Variants in WFDC11 observed in about 807,000 individuals in gnomAD.
The protein encoded by WFDC11 is protein WFDC11.
In WFDC11, 9 loss-of-function variants were observed where a neutral mutation model predicts 9.9. The observed-to-expected ratio is 0.91, with a 90% CI of 0.55 to 1.58. The LOEUF is 1.58. WFDC11 is among the 40% of genes most tolerant of loss of function. WFDC11 has a pLI of 0.00. For missense variants in WFDC11, 106 were observed against 101.7 expected (o/e 1.04, Z -0.18); for synonymous variants, 32 against 33.3 (o/e 0.96, Z 0.13).
At chr20:45,650,374 A>G in intron 3 of WFDC11, 127 bp downstream of exon 3, 1 of 685,206 alleles carries the variant, frequency 1.5e-6, no homozygotes. Flanking sequence ...CAAAATTGTC[A>G]TTCTCTGATG....
At chr20:45,658,909 C>CA (rs57404359) in intron 2 of WFDC11, among the ~76,000 whole-genome samples, 28,683 of 151,768 alleles carry the variant, frequency 0.19, 2,937 homozygotes, top group East Asian at 0.29. Context: ...TGATGCCCAC[C>CA]CCCCCGTCCA....
At chr20:45,648,766 A>G (rs768719514) in intron 4 of WFDC11, 27 bp from the exon 5 acceptor site, 5 of 1,613,288 alleles carry the variant, frequency 3.1e-6, no homozygotes, top group Middle Eastern at 1.7e-4. Context: ...TTAGATTTTT[A>G]GAGGCTAGAG....
intron 1 of WFDC11, among the ~76,000 whole-genome samples, chr20:45,667,887 T>G (rs1446694709): frequency 1.3e-5 from 2 of 152,242 alleles, no homozygotes; most frequent in African/African-American, 2.4e-5. Flanking sequence ...CTTATTGAAG[T>G]GTTCAGAATC....
rs561352407 is a variant in WFDC11 at position 45,654,043 on chromosome 20, A to T, written c.-51-3392T>A. Among the ~76,000 whole-genome samples, 4 of 152,304 alleles carry T rather than the reference A, an allele frequency of 2.6e-5. No individual in the cohort carries two copies. In the East Asian group the frequency reaches 5.8e-4, roughly 22 times the overall value. ...CCAACAAGACAGAAAGTTAACAAGG[A>T]TTTCCAGGAATTGAACTCAGCTCTG... is the stretch of plus-strand genomic sequence containing the variant. On this transcript the variant is annotated intron_variant, in intron 2 of 4. Coordinates refer to ENST00000324384, the MANE Select transcript of WFDC11 (RefSeq NM_147197.2).
intron 2 of WFDC11, among the ~76,000 whole-genome samples, chr20:45,660,163 T>C (rs540855774): frequency 6.6e-6 from 1 of 152,326 alleles, no homozygotes; most frequent in Admixed American, 6.5e-5. Context: ...GGGTATGAAC[T>C]TTCCTGTTAG....
chr20:45,653,947 T>A (rs1982865198), intron 2 of WFDC11, among the ~76,000 whole-genome samples: 2 of 152,152 alleles, frequency 1.3e-5, no homozygotes, highest in South Asian at 4.1e-4. Flanking sequence ...CTGAGTGACC[T>A]ACAAAGAGAC....
At chr20:45,660,288 G>A (rs886991563) in intron 2 of WFDC11, among the ~76,000 whole-genome samples, 64 of 152,192 alleles carry the variant, frequency 4.2e-4, no homozygotes, top group African/African-American at 1.4e-3. Context: ...GATCATTCAG[G>A]AACAGGTTAT....
Position 45,650,377 on chromosome 20 carries a change from C to T in WFDC11, c.100+124G>A, listed in dbSNP as rs532006369. The T allele has an allele frequency of 6.9e-5, 48 of 695,692 alleles. 1 individual carries two copies. The South Asian group carries it at 8.9e-4, about 13-fold the overall frequency. The allele number at this position is 695,692 out of a possible 1,614,324, so 43.1% of individuals were successfully genotyped here. A position where few individuals can be genotyped will look rare whatever the true frequency, so the allele number is the denominator to read the frequency against. ...TCTCTGTGCATACAAAATTGTCATT[C>T]TCTGATGGGTGATACTACGAAGGTG... On this transcript the variant is annotated intron_variant, in intron 3 of 4. Coordinates refer to ENST00000324384, the MANE Select transcript of WFDC11 (RefSeq NM_147197.2).
rs562460680 is a variant in WFDC11 at position 45,651,095 on chromosome 20, G to A, written c.-51-444C>T. ...CCTTCACCCTCAAGTAGACCCCAGT[G>A]TTGGTTGTTCCTTCTTTGTATTCAT... On this transcript the variant is annotated intron_variant, in intron 2 of 4. Transcript: ENST00000324384. 6.6e-5 allele frequency among the ~76,000 whole-genome samples: 10 copies of A among 152,258 alleles called. No individual in the cohort carries two copies. The South Asian group carries it at 8.3e-4, about 13-fold the overall frequency.
chr20:45,649,502 C>T, intron 3 of WFDC11, 103 bp from the exon 4 acceptor site: 2 of 1,420,756 alleles, frequency 1.4e-6, no homozygotes, highest in Admixed American at 2.2e-5. Context: ...AATCTGGGCC[C>T]CAAATTCCAA....
intron 2 of WFDC11, among the ~76,000 whole-genome samples, chr20:45,661,947 C>G (rs1382147802): frequency 6.6e-6 from 1 of 152,072 alleles, no homozygotes; most frequent in Non-Finnish European, 1.5e-5. Flanking sequence ...TTTCCCAATT[C>G]TGTGAAGAAA....
At chr20:45,665,612 C>G (rs1034932222) in intron 2 of WFDC11, among the ~76,000 whole-genome samples, 1 of 152,024 alleles carries the variant, frequency 6.6e-6, no homozygotes, top group Non-Finnish European at 1.5e-5. Context: ...GTGTAGATGT[C>G]CTTTTTGTTG....
At chr20:45,656,510 C>G (rs1390579853) in intron 2 of WFDC11, among the ~76,000 whole-genome samples, 1 of 152,160 alleles carries the variant, frequency 6.6e-6, no homozygotes, top group African/African-American at 2.4e-5. Flanking sequence ...CAATACCATT[C>G]AGGACATAGG....
chr20:45,655,844 A>G (rs1381806239), intron 2 of WFDC11, among the ~76,000 whole-genome samples: 3 of 152,100 alleles, frequency 2.0e-5, no homozygotes, highest in Non-Finnish European at 4.4e-5. Flanking sequence ...TAGCTTCAAA[A>G]AGAATAAAAT....
At chr20:45,670,017 T>C (rs1237438691) in intron 1 of WFDC11, among the ~76,000 whole-genome samples, 161 bp downstream of exon 1, 1 of 151,622 alleles carries the variant, frequency 6.6e-6, no homozygotes, top group African/African-American at 2.4e-5. Flanking sequence ...CAAACAAAAA[T>C]CAGAGACTAT....
At chr20:45,656,838 A>G (rs1982944759) in intron 2 of WFDC11, among the ~76,000 whole-genome samples, 1 of 152,256 alleles carries the variant, frequency 6.6e-6, no homozygotes, top group Non-Finnish European at 1.5e-5. Flanking sequence ...AAAGATGCTC[A>G]TCACCACTGG....
intron 2 of WFDC11, among the ~76,000 whole-genome samples, chr20:45,655,610 T>C (rs951646759): frequency 6.6e-6 from 1 of 152,050 alleles, no homozygotes; most frequent in African/African-American, 2.4e-5. Flanking sequence ...AGGAAATAAA[T>C]GGTATTCAGT....
At chr20:45,653,652 C>T (rs1982858970) in intron 2 of WFDC11, among the ~76,000 whole-genome samples, 1 of 152,120 alleles carries the variant, frequency 6.6e-6, no homozygotes, top group African/African-American at 2.4e-5. Context: ...GATAAAGAGT[C>T]AAGACCCATC....
intron 2 of WFDC11, among the ~76,000 whole-genome samples, chr20:45,664,383 A>G (rs567986958): frequency 2.6e-5 from 4 of 152,174 alleles, no homozygotes; most frequent in Non-Finnish European, 4.4e-5. Context: ...CCAATTTGCC[A>G]GTCTGCATCT....
Sources: gnomAD v4.1 joint callset for allele counts (sites outside exome capture counted in the v4.1 genomes callset) on GRCh38, gnomAD v4.1.1 for gene constraint, MANE v1.5 for transcripts, NCBI Gene and HGNC (gene_info 2026-07-23, HGNC 2026-07-21) for gene names.